The following ZNF362 variants were observed in gnomAD, a reference collection of about 807,000 sequenced individuals.
ZNF362 encodes the protein rotund homolog.
ZNF362 carries 11 observed loss-of-function variants against 42.9 expected under a neutral mutation model. The observed-to-expected ratio is 0.26, with a 90% CI of 0.16 to 0.42. The LOEUF is 0.42. Among genes scored for constraint, ZNF362 ranks in the 20% least tolerant of loss-of-function variants. ZNF362 has a pLI of 1.00. For missense variants in ZNF362, 362 were observed against 576.2 expected, an observed-to-expected ratio of 0.63 and a Z score of 3.81; for synonymous variants, 255 against 257.3, an observed-to-expected ratio of 0.99 and a Z score of 0.09.
the ZNF362 span, chr1:33,147,686 G>A: frequency 6.8e-6 from 11 of 1,613,542 alleles, no homozygotes; most frequent in Non-Finnish European, 8.5e-6. The surrounding 1 kb of genome is among the most constrained non-coding windows in gnomAD (Gnocchi z 8.1). Context: ...AGGATCAGGC[G>A]CTGGTGGGCT....
At chr1:33,148,487 T>A in the ZNF362 span, among the ~76,000 whole-genome samples, 3 of 152,158 alleles carry the variant, frequency 2.0e-5, no homozygotes, top group Admixed American at 6.5e-5. Flanking sequence ...CACCACTGAC[T>A]GAGACAACCT....
the ZNF362 span, chr1:33,180,953 T>TGGGGGGGGGGGGGGG: frequency 2.8e-6 from 2 of 724,330 alleles, no homozygotes; most frequent in Non-Finnish European, 3.9e-6. Context: ...GGTCCAGCCC[T>TGGGGGGGGGGGGGGG]GACCCCACCC....
chr1:33,258,796 T>G (rs1235053799), intron 1 of ZNF362, among the ~76,000 whole-genome samples: 1 of 152,112 alleles, frequency 6.6e-6, no homozygotes, highest in Non-Finnish European at 1.5e-5. Flanking sequence ...GTGTGGTGAT[T>G]ATCACATCAG....
At chr1:33,242,574 GA>G in the ZNF362 span, among the ~76,000 whole-genome samples, 5 of 152,096 alleles carry the variant, frequency 3.3e-5, no homozygotes, top group African/African-American at 1.2e-4. Flanking sequence ...TGAAGACCCA[GA>G]AAAAGACAAA....
the ZNF362 span, among the ~76,000 whole-genome samples, chr1:33,212,002 T>C: frequency 5.9e-5 from 9 of 152,128 alleles, no homozygotes; most frequent in Non-Finnish European, 1.0e-4. Context: ...GTGTTGGAGG[T>C]GGGATCTGGT....
At chr1:33,131,839 T>C in the ZNF362 span, among the ~76,000 whole-genome samples, 1 of 152,318 alleles carries the variant, frequency 6.6e-6, no homozygotes, top group South Asian at 2.1e-4. Context: ...CTACCAACTT[T>C]ATCTCTCTCA....
chr1:33,206,595 G>A, the ZNF362 span, among the ~76,000 whole-genome samples: 3 of 152,058 alleles, frequency 2.0e-5, no homozygotes, highest in Non-Finnish European at 4.4e-5. Flanking sequence ...GGCCAACACA[G>A]TGAGACCCCA....
chr1:33,250,594 A>C, the ZNF362 span, among the ~76,000 whole-genome samples: 1 of 152,110 alleles, frequency 6.6e-6, no homozygotes, highest in South Asian at 2.1e-4. Context: ...TTTGGGGAGC[A>C]GGGGGAGGGA....
chr1:33,161,816 C>A, the ZNF362 span, among the ~76,000 whole-genome samples: 1 of 152,178 alleles, frequency 6.6e-6, no homozygotes, highest in African/African-American at 2.4e-5. This position sits in a 1 kb window ranked among gnomAD's most constrained non-coding sequence, Gnocchi z 4.3. Context: ...CACTCGCCAC[C>A]CTCTCCTAGT....
At chr1:33,272,031 G>T (rs1210213945) in intron 2 of ZNF362, among the ~76,000 whole-genome samples, 3 of 149,646 alleles carry the variant, frequency 2.0e-5, no homozygotes. Flanking sequence ...AGGGAACTGA[G>T]GCTGGTGGGA....
At chr1:33,223,126 C>T in the ZNF362 span, among the ~76,000 whole-genome samples, 1 of 152,118 alleles carries the variant, frequency 6.6e-6, no homozygotes, top group Non-Finnish European at 1.5e-5. Flanking sequence ...TGGCGTGTGC[C>T]TGTAGTCCCA....
the ZNF362 span, among the ~76,000 whole-genome samples, chr1:33,176,874 C>T: frequency 6.6e-6 from 1 of 152,150 alleles, no homozygotes; most frequent in Non-Finnish European, 1.5e-5. Context: ...TGAGGTAATG[C>T]AAGAAAAGCC....
chr1:33,160,615 G>A, the ZNF362 span, among the ~76,000 whole-genome samples: 1 of 152,062 alleles, frequency 6.6e-6, no homozygotes, highest in Non-Finnish European at 1.5e-5. Context: ...ATGTTGGCCA[G>A]GCTGGTCTCA....
At chr1:33,144,785 G>C in the ZNF362 span, among the ~76,000 whole-genome samples, 16 of 152,254 alleles carry the variant, frequency 1.1e-4, 1 homozygote, top group African/African-American at 3.9e-4. Flanking sequence ...GGTCTAGGTG[G>C]TTCCATACCC....
the ZNF362 span, among the ~76,000 whole-genome samples, chr1:33,144,548 C>T: frequency 6.6e-6 from 1 of 152,240 alleles, no homozygotes; most frequent in African/African-American, 2.4e-5. Flanking sequence ...ACTGATAGAA[C>T]CTCTCTAAAG....
the ZNF362 span, among the ~76,000 whole-genome samples, chr1:33,223,269 A>C: frequency 6.6e-6 from 1 of 151,962 alleles, no homozygotes; most frequent in Admixed American, 6.6e-5. Context: ...AAAACCAAAA[A>C]ACAAAAAAAC....
At chr1:33,263,920 C>G (rs1180101694) in intron 1 of ZNF362, among the ~76,000 whole-genome samples, 2 of 152,126 alleles carry the variant, frequency 1.3e-5, no homozygotes, top group Non-Finnish European at 2.9e-5. Flanking sequence ...CTGGCCTGTT[C>G]CCCGCGAGCC....
chr1:33,276,801 T>G (rs945195795), intron 4 of ZNF362, among the ~76,000 whole-genome samples: 2 of 152,218 alleles, frequency 1.3e-5, no homozygotes, highest in African/African-American at 4.8e-5. Context: ...GGAAGGACCC[T>G]TCTCCCCCCA....
rs528783541 is a variant in ZNF362, at chr1:33,274,993, T to G, written c.39-1107T>G. 11 of 985,390 alleles carry G rather than the reference T, an allele frequency of 1.1e-5. No homozygotes were observed. In the South Asian group the frequency reaches 5.2e-4, roughly 46 times the overall value. 61.0% of individuals were successfully genotyped at this position (985,390 alleles called of 1,614,324 possible). A position where few individuals can be genotyped will look rare whatever the true frequency, so the allele number is the denominator to read the frequency against. ...TCTCCCGAAGCCCTATAGCTACCAT[T>G]CCAATAGGGGTTTCTCAAGCTCATA... On this transcript the variant is annotated intron_variant, in intron 2 of 8. Transcript: ENST00000539719.
Sources: allele counts gnomAD v4.1 joint callset (sites outside exome capture counted in the v4.1 genomes callset), GRCh38; gene constraint gnomAD v4.1.1; non-coding constraint Gnocchi (gnomAD v3.1); transcripts MANE v1.5; gene names NCBI Gene and HGNC (gene_info 2026-07-23, HGNC 2026-07-21).